ITGA1: variants seen among roughly 807,000 people sequenced by gnomAD.
The protein encoded by ITGA1 is integrin subunit alpha 1.
In ITGA1, 85 loss-of-function variants were observed where a neutral mutation model predicts 145.9. The observed-to-expected ratio is 0.58, with a 90% CI of 0.49 to 0.70. The LOEUF is 0.70. ITGA1 is among the 30% of genes least tolerant of loss of function. The probability of loss-of-function intolerance (pLI) is 0.00; values close to 1 mark genes in which losing one functional copy is unlikely to be tolerated. For missense variants in ITGA1, 1,351 were observed against 1,418.7 expected (o/e 0.95, Z 0.77); for synonymous variants, 520 against 495.3 (o/e 1.05, Z -0.66).
rs1230087808 is a variant in ITGA1 at position 52,864,982 on chromosome 5, C to T, written c.396C>T (p.Pro132=). ...NPNGGFLACG[P]LYAYRCGHLH... is the part of the protein sequence containing the mutation. Reference sequence around the variant, plus strand: ...ACAATTTTTTAAAGGCTTGTGGGCCCTTATATGCCTATAGATGTGGACATT... The same window carrying T: ...ACAATTTTTTAAAGGCTTGTGGGCCTTTATATGCCTATAGATGTGGACATT... The change falls in exon 5 of 29, where the codon CCC becomes CCT. Residue 132 remains proline (P), a synonymous_variant. Transcript: ENST00000282588. 6.2e-7 allele frequency: 1 copy of T among 1,611,272 alleles called. No homozygotes were observed.
chr5:52,882,357 CAATCTA>C (rs1234082183), intron 7 of ITGA1, among the ~76,000 whole-genome samples: 2 of 152,024 alleles, frequency 1.3e-5, no homozygotes, highest in African/African-American at 2.4e-5. Context: ...CTAAGAGTCT[CAATCTA>C]AAAGAACGGA....
chr5:52,844,848 C>T (rs1222743106), intron 1 of ITGA1, among the ~76,000 whole-genome samples: 1 of 152,074 alleles, frequency 6.6e-6, no homozygotes, highest in Admixed American at 6.6e-5. Context: ...ACTTCTGGTA[C>T]ATAAAATTCC....
At chr5:52,800,587 C>G (rs1156483019) in intron 1 of ITGA1, 1 of 1,613,664 alleles carries the variant, frequency 6.2e-7, no homozygotes, top group Non-Finnish European at 8.5e-7. Context: ...CCGCACTACC[C>G]TCACTCTCTG....
chr5:52,891,808 A>G (rs1488512788), intron 8 of ITGA1, among the ~76,000 whole-genome samples: 1 of 152,000 alleles, frequency 6.6e-6, no homozygotes, highest in Non-Finnish European at 1.5e-5. Flanking sequence ...ATTAGGTCAT[A>G]TCTACATATT....
chr5:52,825,933 AAAG>A (rs1748954132), intron 1 of ITGA1, among the ~76,000 whole-genome samples: 1 of 152,016 alleles, frequency 6.6e-6, no homozygotes, highest in Non-Finnish European at 1.5e-5. Context: ...AAAAAAAAAA[AAAG>A]GAAAGAAGTT....
At chr5:52,903,843 CA>C (rs1377067326) in intron 11 of ITGA1, 1 of 152,162 alleles carries the variant, frequency 6.6e-6, no homozygotes, top group Non-Finnish European at 1.5e-5. Flanking sequence ...ACTTTTCACT[CA>C]AAAATTAATC....
chr5:52,800,571 C>T (rs1160004539), intron 1 of ITGA1: 3 of 1,613,516 alleles, frequency 1.9e-6, no homozygotes, highest in Non-Finnish European at 2.5e-6. Flanking sequence ...TGGGCAGCAA[C>T]CGGGTCCGCA....
intron 6 of ITGA1, among the ~76,000 whole-genome samples, chr5:52,875,353 T>TA (rs1182456520): frequency 6.6e-6 from 1 of 152,132 alleles, no homozygotes; most frequent in African/African-American, 2.4e-5. Context: ...ATCTCATATT[T>TA]AAGTGGAATG....
chr5:52,801,722 C>T (rs371117038), intron 1 of ITGA1: 2 of 1,614,110 alleles, frequency 1.2e-6, no homozygotes, highest in Non-Finnish European at 1.7e-6. Flanking sequence ...AGGATATTCT[C>T]TAGTCTTCAC....
At chr5:52,851,042 C>T (rs1749424322) in intron 2 of ITGA1, among the ~76,000 whole-genome samples, 1 of 152,174 alleles carries the variant, frequency 6.6e-6, no homozygotes, top group African/African-American at 2.4e-5. Flanking sequence ...AGTTAATTTT[C>T]ACTAATTACT....
rs1472234196 is a variant in ITGA1, at chr5:52,922,744, T to C, written c.2293-33T>C. 2.3e-6 allele frequency: 3 copies of C among 1,316,108 alleles called. No homozygotes were observed. In the African/African-American group the frequency reaches 4.4e-5, roughly 19 times the overall value. 81.5% of individuals were successfully genotyped at this position (1,316,108 alleles called of 1,614,324 possible). ...AGATCAGAACACCCGGTAAATATGA[T>C]ACCAGTGATATATTTTATGTTTCAC... On this transcript the variant is annotated intron_variant, in intron 17 of 28. Transcript: ENST00000282588.
At chr5:52,857,544 T>G (rs183777272) in intron 2 of ITGA1, among the ~76,000 whole-genome samples, 38 of 152,262 alleles carry the variant, frequency 2.5e-4, no homozygotes, top group African/African-American at 7.9e-4. Context: ...AAATGAAATC[T>G]GCCACAAACA....
chr5:52,795,812 G>C (rs1199723500), intron 1 of ITGA1, among the ~76,000 whole-genome samples: 1 of 151,884 alleles, frequency 6.6e-6, no homozygotes, highest in Non-Finnish European at 1.5e-5. Context: ...TCAAATGAGA[G>C]AGCAGGACAA....
chr5:52,838,066 C>T (rs773328423), intron 1 of ITGA1, among the ~76,000 whole-genome samples: 56 of 152,190 alleles, frequency 3.7e-4, no homozygotes, highest in Admixed American at 2.2e-3. Context: ...AAGTTACATT[C>T]GTTTGGCTTA....
intron 6 of ITGA1, among the ~76,000 whole-genome samples, chr5:52,869,223 C>T (rs577321486): frequency 5.5e-4 from 83 of 152,116 alleles, no homozygotes; most frequent in Admixed American, 1.1e-3. Context: ...TGCAATGGTA[C>T]GATCTTGGCT....
chr5:52,882,827 A>T (rs557528928), intron 7 of ITGA1: 1 of 152,220 alleles, frequency 6.6e-6, no homozygotes, highest in Non-Finnish European at 1.5e-5. Flanking sequence ...TAGTTTGATT[A>T]ATGTTAAGAA....
intron 6 of ITGA1, among the ~76,000 whole-genome samples, chr5:52,869,567 C>G (rs1036804333): frequency 3.3e-5 from 5 of 152,138 alleles, no homozygotes; most frequent in African/African-American, 1.2e-4. Flanking sequence ...TTGCTGCATA[C>G]TGTAGATAAT....
intron 1 of ITGA1, among the ~76,000 whole-genome samples, chr5:52,807,387 G>C: frequency 6.7e-6 from 1 of 150,368 alleles, no homozygotes; most frequent in East Asian, 1.9e-4. Context: ...CAGTCAGAAG[G>C]GTTTTGTCAT....
intron 21 of ITGA1, 132 bp downstream of exon 21, chr5:52,929,833 A>G (rs1750869376): frequency 2.0e-6 from 1 of 497,800 alleles, no homozygotes; most frequent in East Asian, 3.3e-5. Context: ...GTGGAAGGCA[A>G]TTAACCACTT....
Sources: gnomAD v4.1 joint callset for allele counts (sites outside exome capture counted in the v4.1 genomes callset) on GRCh38, gnomAD v4.1.1 for gene constraint, MANE v1.5 for transcripts, NCBI Gene and HGNC (gene_info 2026-07-23, HGNC 2026-07-21) for gene names.